Variants in PLCB3 observed in about 807,000 individuals in gnomAD.
PLCB3 encodes the protein phospholipase C beta 3, also known as 1-phosphatidylinositol 4,5-bisphosphate phosphodiesterase beta-3.
Under a neutral mutation model 152.1 loss-of-function variants are expected in PLCB3, and 54 were observed. The ratio of observed to expected loss-of-function variants is 0.36; its 90% CI spans 0.29 to 0.45. The LOEUF is 0.45. Among genes scored for constraint, PLCB3 ranks in the 20% least tolerant of loss-of-function variants. The pLI, the probability that PLCB3 is intolerant of heterozygous loss-of-function variation, is 1.00. For missense variants in PLCB3, 1,248 were observed against 1,687.5 expected (o/e 0.74, Z 4.56); for synonymous variants, 717 against 698.7 (o/e 1.03, Z -0.41).
chr11:64,264,157 G>A, intron 22 of PLCB3, 45 bp downstream of exon 22: 1 of 1,329,068 alleles, frequency 7.5e-7, no homozygotes, highest in Non-Finnish European at 1.0e-6. Context: ...TGACCCAGGG[G>A]GCCGCTGGAC....
intron 19 of PLCB3, chr11:64,263,293 G>T: frequency 1.8e-6 from 1 of 557,140 alleles, no homozygotes; most frequent in Non-Finnish European, 3.2e-6. Context: ...CTTGCCTCAG[G>T]GTCCTGATGG....
In PLCB3 at chr11:64,266,487, C is replaced by T. The variant is rs1267758634; in HGVS notation, c.3357-8C>T. ...GGCCCCGAGCCATCCTGCGTTGCTC[C>T]CGTGCAGGGAACTGACGGAGATTAA... is the stretch of plus-strand genomic sequence containing the variant. On this transcript the variant is annotated splice_region_variant and splice_polypyrimidine_tract_variant and intron_variant, in intron 28 of 30. Coordinates refer to ENST00000279230, the MANE Select transcript of PLCB3 (RefSeq NM_000932.5). The surrounding 1 kb of genome is among the most constrained non-coding windows in gnomAD (Gnocchi z 4.9). 1.2e-6 allele frequency: 2 copies of T among 1,613,716 alleles called. No homozygotes were observed. The highest frequency in any genetic ancestry group is 2.2e-5 in the East Asian group (1 of 44,884).
In PLCB3 at chr11:64,266,092, C is replaced by G. The variant is rs1193971583; in HGVS notation, c.3190-34C>G. ...GCCTGCTGGATAGACCCGTCGTCAGCCCGGCATCACCTGTCAGCTCCCTGT... is the reference window on the plus strand; with the variant it reads ...GCCTGCTGGATAGACCCGTCGTCAGGCCGGCATCACCTGTCAGCTCCCTGT... On this transcript the variant is annotated intron_variant, in intron 26 of 30. Coordinates refer to ENST00000279230, the MANE Select transcript of PLCB3 (RefSeq NM_000932.5). The surrounding 1 kb of genome is among the most constrained non-coding windows in gnomAD (Gnocchi z 4.9). 1 of 1,613,904 alleles carries G rather than the reference C, an allele frequency of 6.2e-7. No homozygotes were observed. Among genetic ancestry groups the G allele is most frequent in the South Asian group, 1.1e-5 (1 of 91,080 alleles).
chr11:64,266,093 C>T lies in PLCB3; in HGVS notation c.3190-33C>T. 6.2e-7 allele frequency: 1 copy of T among 1,613,888 alleles called. No homozygotes were observed. Among genetic ancestry groups the T allele is most frequent in the Non-Finnish European group, 8.5e-7 (1 of 1,179,898 alleles). On this transcript the variant is annotated intron_variant, in intron 26 of 30. Coordinates refer to ENST00000279230, the MANE Select transcript of PLCB3 (RefSeq NM_000932.5). This position sits in a 1 kb window ranked among gnomAD's most constrained non-coding sequence, Gnocchi z 4.9. ...CCTGCTGGATAGACCCGTCGTCAGC[C>T]CGGCATCACCTGTCAGCTCCCTGTG...
intron 20 of PLCB3, 35 bp from the exon 21 acceptor site, chr11:64,263,655 GC>G: frequency 6.2e-7 from 1 of 1,607,784 alleles, no homozygotes; most frequent in Non-Finnish European, 8.5e-7. Flanking sequence ...CCCCCACCTG[GC>G]CCAGCAACCC....
Position 64,263,783 on chromosome 11 carries a change from G to A in PLCB3, c.2548G>A (p.Asp850Asn). Reference sequence around the variant, plus strand: ...CACCGAAGCCTCGGACTACATTCCTGACGACCACCAGGGTGAGCTGGGGGT... The same window carrying A: ...CACCGAAGCCTCGGACTACATTCCTAACGACCACCAGGGTGAGCTGGGGGT... ...IYTEASDYIPDDHQDYAEALI... is the reference protein window; with the variant it reads ...IYTEASDYIPNDHQDYAEALI... Residue 850 changes from aspartate to asparagine, a missense_variant, in exon 21 of 31, where the codon GAC becomes AAC. This residue lies in a region of PLCB3 where 244 missense variants were observed against 424.4 expected (regional missense o/e 0.57). Coordinates refer to ENST00000279230, the MANE Select transcript of PLCB3 (RefSeq NM_000932.5). 2 of 1,612,878 alleles carry A rather than the reference G, an allele frequency of 1.2e-6. No individual in the cohort carries two copies. Among genetic ancestry groups the A allele is most frequent in the Non-Finnish European group, 1.7e-6 (2 of 1,179,668 alleles).
rs745355121 is a variant in PLCB3 at position 64,254,418 on chromosome 11, A to G, written c.103A>G (p.Thr35Ala). Reference sequence around the variant, plus strand: ...TGCTGCCCTGTGCTGTCCTCAGGAGACCTCCAGTCGGAACCTGGTGACCCT... The same window carrying G: ...TGCTGCCCTGTGCTGTCCTCAGGAGGCCTCCAGTCGGAACCTGGTGACCCT... The part of the protein sequence containing the change: ...GSKFIKWDEE[T>A]SSRNLVTLRV... The change falls in exon 2 of 31, where the codon ACC (threonine) becomes GCC (alanine). Residue 35 changes from threonine to alanine, a missense_variant. By Grantham distance (58) the Thr-to-Ala change is moderately conservative. Transcript: ENST00000279230. 5 of 1,613,364 alleles carry G rather than the reference A, an allele frequency of 3.1e-6. No homozygotes were observed. Among genetic ancestry groups the G allele is most frequent in the Non-Finnish European group, 3.4e-6 (4 of 1,179,642 alleles).
Position 64,255,188 on chromosome 11 carries a change from C to T in PLCB3, c.388-46C>T. The T allele has an allele frequency of 6.5e-7, 1 of 1,548,400 alleles. No homozygotes were observed. The highest frequency in any genetic ancestry group is 1.1e-5 in the South Asian group (1 of 89,548). On this transcript the variant is annotated intron_variant, in intron 4 of 30. Transcript: ENST00000279230. The surrounding 1 kb of genome is among the most constrained non-coding windows in gnomAD (Gnocchi z 6.8). Reference sequence around the variant, plus strand: ...GGACCTGGGTTGTGGCTGGGCAGCCCCTGTGTCCCCCACTCACCGCCTCCC... The same window carrying T: ...GGACCTGGGTTGTGGCTGGGCAGCCTCTGTGTCCCCCACTCACCGCCTCCC...
At position 64,262,117 on chromosome 11, in the gene PLCB3, C is replaced by T. The variant is rs759936487; in HGVS notation, c.2038+41C>T. 3 of 1,612,726 alleles carry T rather than the reference C, an allele frequency of 1.9e-6. No homozygotes were observed. The South Asian group carries it at 3.3e-5, about 18-fold the overall frequency. On this transcript the variant is annotated intron_variant, in intron 17 of 30. Transcript: ENST00000279230. ...CTCCATCTTGACCCCGACCCTCAGTCTTACTGACTTCTGACCCACGATCCT... is the reference window on the plus strand; with the variant it reads ...CTCCATCTTGACCCCGACCCTCAGTTTTACTGACTTCTGACCCACGATCCT...
Position 64,254,417 on chromosome 11 carries a change from G to C in PLCB3, c.102G>C (p.Glu34Asp). 1 of 1,613,590 alleles carries C rather than the reference G, an allele frequency of 6.2e-7. No individual in the cohort carries two copies. Among genetic ancestry groups the C allele is most frequent in the Non-Finnish European group, 8.5e-7 (1 of 1,179,658 alleles). The stretch of plus-strand genomic sequence containing the variant: ...CTGCTGCCCTGTGCTGTCCTCAGGA[G>C]ACCTCCAGTCGGAACCTGGTGACCC... ...RGSKFIKWDEETSSRNLVTLR... is the reference protein window; with the variant it reads ...RGSKFIKWDEDTSSRNLVTLR... Residue 34 changes from glutamate (E) to aspartate (D), a missense_variant and splice_region_variant, in exon 2 of 31, where the codon GAG (glutamate) becomes GAC (aspartate). Around this residue, in one of 6 missense-constraint regions of PLCB3, gnomAD observed 299 missense variants for 434.7 expected, o/e 0.69. Transcript: ENST00000279230.
chr11:64,259,199 C>T lies in PLCB3; in HGVS notation c.1480C>T (p.Leu494=). 1 of 1,587,262 alleles carries T rather than the reference C, an allele frequency of 6.3e-7. No homozygotes were observed. The highest frequency in any genetic ancestry group is 8.6e-7 in the Non-Finnish European group (1 of 1,167,812). The change falls in exon 13 of 31, where the codon CTG becomes TTG. Residue 494 remains leucine, a synonymous_variant. Coordinates refer to ENST00000279230, the MANE Select transcript of PLCB3 (RefSeq NM_000932.5). The part of the protein sequence containing the change: ...KRPLEQSNSA[L]SESSAATEPS... The stretch of plus-strand genomic sequence containing the variant: ...GCCCCTGGAGCAGAGCAATTCTGCC[C>T]TGAGCGAGAGCTCCGCGGCCACCGA...
rs7939107 is a variant in PLCB3, at chr11:64,267,301, C to T, written c.3501+30C>T. The T allele has an allele frequency of 0.15, 232,629 of 1,550,448 alleles. 18,609 individuals are homozygous for T. Among genetic ancestry groups the T allele is most frequent in the Middle Eastern group, 0.17 (975 of 5,852 alleles). On this transcript the variant is annotated intron_variant, in intron 30 of 30. Transcript: ENST00000279230. The surrounding 1 kb of genome is among the most constrained non-coding windows in gnomAD (Gnocchi z 5.2). ...GGCCATGGGCGAACAGGTGGGCAGA[C>T]GGGGTGCAAGGCAGCCAGGCCTCGC...
Position 64,259,263 on chromosome 11 carries a change from C to T in PLCB3, c.1525+19C>T, listed in dbSNP as rs1348504498. 8.7e-6 allele frequency: 13 copies of T among 1,488,586 alleles called. No individual in the cohort carries two copies. The African/African-American group carries it at 9.8e-5, about 11-fold the overall frequency. 92.2% of individuals were successfully genotyped at this position (1,488,586 alleles called of 1,614,324 possible). A position where few individuals can be genotyped will look rare whatever the true frequency, so the allele number is the denominator to read the frequency against. ...CAGCTGGGTAGGCCCCAGCCCGGCC[C>T]GCCACCCTGACTTGACCCTAGCCTC... On this transcript the variant is annotated intron_variant, in intron 13 of 30. Transcript: ENST00000279230.
Position 64,262,404 on chromosome 11 carries a change from C to T in PLCB3, c.2039-3C>T. On this transcript the variant is annotated splice_polypyrimidine_tract_variant and splice_region_variant and intron_variant, in intron 17 of 30. Coordinates refer to ENST00000279230, the MANE Select transcript of PLCB3 (RefSeq NM_000932.5). The stretch of plus-strand genomic sequence containing the variant: ...CCTGCTCGACGTGCCCGTGGCACCC[C>T]AGATGTGGCGATGCAGCTCAACGCG... 1 of 1,611,162 alleles carries T rather than the reference C, an allele frequency of 6.2e-7. No individual in the cohort carries two copies. The highest frequency in any genetic ancestry group is 8.5e-7 in the Non-Finnish European group (1 of 1,177,866).
rs1379476989 is a variant in PLCB3, at chr11:64,265,427, C to A, written c.2960C>A (p.Thr987Asn). ...LRKKHQRKAVTLTRRLLDGLA... is the reference protein window; with the variant it reads ...LRKKHQRKAVNLTRRLLDGLA... ...AAGAAGCATCAGCGGAAGGCAGTCA[C>A]CCTCACCCGCCGCCTGCTGGATGGC... Residue 987 changes from threonine (T) to asparagine (N), a missense_variant, in exon 25 of 31, where the codon ACC becomes AAC. Thr to Asn is a moderately conservative substitution (Grantham distance 65). Around this residue, in one of 6 missense-constraint regions of PLCB3, gnomAD observed 477 missense variants for 489.6 expected, o/e 0.97. Transcript: ENST00000279230. 4 of 1,611,308 alleles carry A rather than the reference C, an allele frequency of 2.5e-6. No homozygotes were observed. The African/African-American group carries it at 4.0e-5, about 16-fold the overall frequency.
rs2532589 is a variant in PLCB3 at position 64,255,692 on chromosome 11, C to T, written c.598-29C>T. 6.2e-7 allele frequency: 1 copy of T among 1,608,968 alleles called. No individual in the cohort carries two copies. The highest frequency in any genetic ancestry group is 1.7e-5 in the Admixed American group (1 of 60,022). On this transcript the variant is annotated intron_variant, in intron 7 of 30. Transcript: ENST00000279230. The surrounding 1 kb of genome is among the most constrained non-coding windows in gnomAD (Gnocchi z 6.8). ...CCCTTACGGGGCTGCCCGCCCCTGG[C>T]TTCTCACCCCACACTCCTCGACCTC...
rs781151620 is a variant in PLCB3 at position 64,258,881 on chromosome 11, G to T, written c.1254-4G>T. ...ATCTCTGACCTCTGACCTCGGTTCC[G>T]CAGGGCAAAGCAACAGGCAAAGATG... On this transcript the variant is annotated splice_region_variant and splice_polypyrimidine_tract_variant and intron_variant, in intron 11 of 30. Transcript: ENST00000279230. This position sits in a 1 kb window ranked among gnomAD's most constrained non-coding sequence, Gnocchi z 7.2. The T allele has an allele frequency of 5.6e-6, 9 of 1,613,632 alleles. No homozygotes were observed. The highest frequency in any genetic ancestry group is 3.3e-5 in the South Asian group (3 of 91,076).
chr11:64,265,842 C>T (rs2032088008), intron 25 of PLCB3, 44 bp from the exon 26 acceptor site: 2 of 1,597,624 alleles, frequency 1.3e-6, no homozygotes, highest in Non-Finnish European at 1.7e-6. Context: ...CATCCCAGTC[C>T]ATGTGACGGG....
rs1268489463 is a variant in PLCB3 at position 64,266,515 on chromosome 11, G to A, written c.3377G>A (p.Arg1126His). The A allele has an allele frequency of 3.7e-6, 6 of 1,613,840 alleles. No homozygotes were observed. The highest frequency in any genetic ancestry group is 2.2e-5 in the East Asian group (1 of 44,886). ...KKEAELTEINRRHITESVNSI... is the reference protein window; with the variant it reads ...KKEAELTEINHRHITESVNSI... The stretch of plus-strand genomic sequence containing the variant: ...TGCAGGGAACTGACGGAGATTAACC[G>A]TCGGCACATCACTGAGTCAGTCAAC... The change falls in exon 29 of 31, where the codon CGT becomes CAT. Residue 1126 changes from arginine to histidine, a missense_variant. Arg to His is a conservative substitution (Grantham distance 29, BLOSUM62 0). Transcript: ENST00000279230. The surrounding 1 kb of genome is among the most constrained non-coding windows in gnomAD (Gnocchi z 4.9).
Sources: gnomAD v4.1 joint callset for allele counts on GRCh38, gnomAD v4.1.1 for gene constraint, gnomAD v4.1.1 regional missense constraint, Gnocchi (gnomAD v3.1) non-coding constraint, MANE v1.5 for transcripts, NCBI Gene and HGNC (gene_info 2026-07-23, HGNC 2026-07-21) for gene names.